Variants in MYO3B observed in about 807,000 individuals in gnomAD.
MYO3B encodes myosin-IIIb.
Under a neutral mutation model 174.6 loss-of-function variants are expected in MYO3B, and 156 were observed. That is an observed-to-expected ratio of 0.89 (90% CI 0.78 to 1.02). The LOEUF is 1.02. MYO3B is among the 50% of genes least tolerant of loss of function. The probability of loss-of-function intolerance (pLI) is 0.00; values close to 1 mark genes in which losing one functional copy is unlikely to be tolerated. For missense variants in MYO3B, 1,632 were observed against 1,639.4 expected (o/e 1.00, Z 0.08); for synonymous variants, 563 against 569.1 (o/e 0.99, Z 0.15).
At chr2:170,620,913 G>A (rs1695858097) in intron 32 of MYO3B, among the ~76,000 whole-genome samples, 2 of 152,070 alleles carry the variant, frequency 1.3e-5, no homozygotes, top group Non-Finnish European at 2.9e-5. Flanking sequence ...TTTTTAGTTG[G>A]AGTCTTGCTC....
At chr2:170,303,245 C>T (rs996021655) in intron 7 of MYO3B, among the ~76,000 whole-genome samples, 16 of 151,994 alleles carry the variant, frequency 1.1e-4, no homozygotes, top group Non-Finnish European at 2.2e-4. Context: ...CTTTGCTGTC[C>T]AAAGAGATGG....
At chr2:170,445,444 C>T (rs548452144) in intron 23 of MYO3B, among the ~76,000 whole-genome samples, 4 of 152,020 alleles carry the variant, frequency 2.6e-5, no homozygotes, top group South Asian at 4.2e-4. Flanking sequence ...TGCATTCAAA[C>T]GATTCTCCTG....
intron 16 of MYO3B, among the ~76,000 whole-genome samples, chr2:170,393,084 CTTTT>C (rs11427527): frequency 1.5e-5 from 2 of 133,682 alleles, no homozygotes; most frequent in African/African-American, 2.7e-5. Flanking sequence ...TACTGTACTA[CTTTT>C]TTTTTTTTTT....
intron 7 of MYO3B, among the ~76,000 whole-genome samples, chr2:170,319,745 GA>G (rs1472089711): frequency 1.3e-5 from 2 of 152,158 alleles, no homozygotes; most frequent in Non-Finnish European, 2.9e-5. Flanking sequence ...TTAAACTGGT[GA>G]AAGATGAAGA....
At chr2:170,628,579 G>A (rs557674371) in intron 32 of MYO3B, among the ~76,000 whole-genome samples, 23 of 152,218 alleles carry the variant, frequency 1.5e-4, no homozygotes, top group East Asian at 3.9e-4. Context: ...AGATGAACCC[G>A]GTACCTCAGT....
intron 7 of MYO3B, among the ~76,000 whole-genome samples, chr2:170,308,343 G>A (rs570247407): frequency 6.6e-6 from 1 of 152,302 alleles, no homozygotes; most frequent in African/African-American, 2.4e-5. Flanking sequence ...ATTGCTTCCT[G>A]TAATTATTTT....
intron 7 of MYO3B, among the ~76,000 whole-genome samples, chr2:170,333,614 T>G (rs2093927029): frequency 6.6e-6 from 1 of 152,192 alleles, no homozygotes; most frequent in Non-Finnish European, 1.5e-5. Context: ...ACAAATTAGG[T>G]TTTTTGGACA....
intron 32 of MYO3B, among the ~76,000 whole-genome samples, chr2:170,558,061 G>A (rs566254848): frequency 6.6e-6 from 1 of 152,122 alleles, no homozygotes; most frequent in Non-Finnish European, 1.5e-5. Flanking sequence ...CAACACTTTG[G>A]GAGACCAAGG....
chr2:170,233,862 A>G (rs1300656707), intron 6 of MYO3B, among the ~76,000 whole-genome samples: 4 of 152,146 alleles, frequency 2.6e-5, no homozygotes. Context: ...CAATACCACA[A>G]ACTTAGTGGC....
chr2:170,199,052 T>C (rs921342528), intron 1 of MYO3B, among the ~76,000 whole-genome samples, 156 bp from the exon 2 acceptor site: 1 of 152,160 alleles, frequency 6.6e-6, no homozygotes. Flanking sequence ...TTAAGGAGGG[T>C]CCAAGTTCTT....
chr2:170,247,837 A>G (rs1478288975), intron 7 of MYO3B, among the ~76,000 whole-genome samples: 2 of 152,216 alleles, frequency 1.3e-5, no homozygotes, highest in East Asian at 1.9e-4. Flanking sequence ...ATTTCCTACA[A>G]CAATCACACT....
At chr2:170,456,425 C>T (rs1405975774) in intron 23 of MYO3B, among the ~76,000 whole-genome samples, 1 of 152,104 alleles carries the variant, frequency 6.6e-6, no homozygotes, top group Non-Finnish European at 1.5e-5. Flanking sequence ...ACAGCTTCAT[C>T]CTGGGCTATG....
intron 7 of MYO3B, among the ~76,000 whole-genome samples, chr2:170,261,207 A>T (rs2093343440): frequency 6.6e-6 from 1 of 151,852 alleles, no homozygotes; most frequent in Non-Finnish European, 1.5e-5. Flanking sequence ...ATTTTTTAGT[A>T]GAGACGGGGT....
At chr2:170,477,748 G>A (rs1442285602) in intron 25 of MYO3B, among the ~76,000 whole-genome samples, 1 of 150,918 alleles carries the variant, frequency 6.6e-6, no homozygotes, top group East Asian at 1.9e-4. Flanking sequence ...ACAGTCAAAA[G>A]TATCTCTAGA....
intron 22 of MYO3B, among the ~76,000 whole-genome samples, chr2:170,410,667 A>G (rs976878120): frequency 3.3e-5 from 5 of 150,972 alleles, no homozygotes; most frequent in African/African-American, 4.9e-5. Flanking sequence ...CCAGTGCTGG[A>G]CTCCTCAATT....
intron 28 of MYO3B, among the ~76,000 whole-genome samples, chr2:170,507,636 G>A (rs1403002796): frequency 4.6e-5 from 7 of 152,130 alleles, no homozygotes; most frequent in Non-Finnish European, 8.8e-5. Flanking sequence ...CAAGTGATCC[G>A]CACGCCTCAG....
chr2:170,387,964 A>C (rs1228600885), intron 14 of MYO3B, among the ~76,000 whole-genome samples: 2 of 152,100 alleles, frequency 1.3e-5, no homozygotes, highest in Non-Finnish European at 2.9e-5. Flanking sequence ...TCCTATGATA[A>C]TAATATAACC....
At chr2:170,604,143 C>T (rs189391316) in intron 32 of MYO3B, among the ~76,000 whole-genome samples, 1 of 152,306 alleles carries the variant, frequency 6.6e-6, no homozygotes, top group African/African-American at 2.4e-5. Flanking sequence ...GCACATTTCT[C>T]AGAACATATC....
At chr2:170,253,360 G>C (rs2093273733) in intron 7 of MYO3B, among the ~76,000 whole-genome samples, 1 of 152,174 alleles carries the variant, frequency 6.6e-6, no homozygotes, top group Admixed American at 6.5e-5. Context: ...CAAAACAGGA[G>C]CTTCCATTTT....
Sources: allele counts gnomAD v4.1 joint callset (sites outside exome capture counted in the v4.1 genomes callset), GRCh38; gene constraint gnomAD v4.1.1; transcripts MANE v1.5; gene names NCBI Gene and HGNC (gene_info 2026-07-23, HGNC 2026-07-21).